HCFC2: variants seen among roughly 807,000 people sequenced by gnomAD.
The protein encoded by HCFC2 is host cell factor 2.
HCFC2 carries 18 observed loss-of-function variants against 89.2 expected under a neutral mutation model. That is an observed-to-expected ratio of 0.20 (90% CI 0.14 to 0.30). The LOEUF (loss-of-function observed/expected upper bound fraction) is 0.30, where lower values mean the gene tolerates loss of function less well. Ranked by LOEUF, HCFC2 falls within the 10% of genes least tolerant of loss-of-function variation. The pLI is 1.00. For missense variants in HCFC2, 578 were observed against 956.1 expected, an observed-to-expected ratio of 0.60 and a Z score of 5.21; for synonymous variants, 308 against 335.7, an observed-to-expected ratio of 0.92 and a Z score of 0.90.
At chr12:104,089,299 T>A (rs1238431564) in intron 9 of HCFC2, among the ~76,000 whole-genome samples, 1 of 151,916 alleles carries the variant, frequency 6.6e-6, no homozygotes, top group Non-Finnish European at 1.5e-5. Context: ...GATCACGAGG[T>A]CAGAAGATCG....
Position 104,095,209 on chromosome 12 carries a change from T to C in HCFC2, c.1463-151T>C. The C allele has an allele frequency of 1.6e-6, 1 of 612,296 alleles. No individual in the cohort carries two copies. The highest frequency in any genetic ancestry group is 2.8e-5 in the East Asian group (1 of 36,028). 37.9% of individuals were successfully genotyped at this position (612,296 alleles called of 1,614,324 possible). On this transcript the variant is annotated intron_variant, in intron 10 of 14. Coordinates refer to ENST00000229330, the MANE Select transcript of HCFC2 (RefSeq NM_013320.3). This position sits in a 1 kb window ranked among gnomAD's most constrained non-coding sequence, Gnocchi z 4.2. ...GCACTTTATTTTTCTAAACATTTTA[T>C]GCCTAATGGATAATTCATACTAATA...
chr12:104,078,414 A>G (rs1360350325), intron 3 of HCFC2, among the ~76,000 whole-genome samples: 1 of 152,230 alleles, frequency 6.6e-6, no homozygotes, highest in Middle Eastern at 3.2e-3. Context: ...CTGAAATGTT[A>G]CAATTTTTGC....
chr12:104,065,472 C>T (rs1362507217), intron 1 of HCFC2, among the ~76,000 whole-genome samples: 1 of 152,190 alleles, frequency 6.6e-6, no homozygotes, highest in African/African-American at 2.4e-5. Context: ...CAGGCTGTCA[C>T]AAGAAATCTG....
chr12:104,096,316 G>A (rs1296403190), intron 11 of HCFC2, 44 bp from the exon 12 acceptor site: 1 of 1,325,136 alleles, frequency 7.5e-7, no homozygotes, highest in Non-Finnish European at 1.1e-6. Flanking sequence ...TAATGTATCT[G>A]ATAAGTTATG....
intron 5 of HCFC2, among the ~76,000 whole-genome samples, chr12:104,081,292 A>C (rs1883675867): frequency 6.6e-6 from 1 of 152,210 alleles, no homozygotes; most frequent in South Asian, 2.1e-4. Flanking sequence ...GGGCAAGAAA[A>C]TTTAATCTGT....
rs371559185 is a variant in HCFC2 at position 104,082,805 on chromosome 12, A to G, written c.967A>G (p.Ile323Val). ...AAGAGCTGGCCACTGTGCTGTTGCA[A>G]TCGGCACTCGATTGTATTTTTGGAG... The part of the protein sequence containing the change: ...RPRAGHCAVA[I>V]GTRLYFWSGR... The change falls in exon 7 of 15, where the codon ATC (isoleucine) becomes GTC (valine). Residue 323 changes from isoleucine (I) to valine (V), a missense_variant. Coordinates refer to ENST00000229330, the MANE Select transcript of HCFC2 (RefSeq NM_013320.3). The G allele has an allele frequency of 3.2e-5, 51 of 1,613,952 alleles. No individual in the cohort carries two copies. The highest frequency in any genetic ancestry group is 5.5e-5 in the South Asian group (5 of 91,060).
chr12:104,082,392 T>G (rs1329369407), intron 5 of HCFC2, 108 bp from the exon 6 acceptor site: 1 of 684,152 alleles, frequency 1.5e-6, no homozygotes, highest in African/African-American at 1.8e-5. Flanking sequence ...AATGAATAGT[T>G]CTGAAGCTCT....
At chr12:104,098,289 A>G in intron 12 of HCFC2, 54 bp from the exon 13 acceptor site, 2 of 1,474,762 alleles carry the variant, frequency 1.4e-6, no homozygotes, top group Non-Finnish European at 1.8e-6. Context: ...AAATCTTGAA[A>G]TTTTTCGTAT....
chr12:104,079,957 T>C (rs1883631224), intron 4 of HCFC2, among the ~76,000 whole-genome samples: 1 of 152,192 alleles, frequency 6.6e-6, no homozygotes, highest in African/African-American at 2.4e-5. Flanking sequence ...CAATACTCCC[T>C]TTCACTCTGA....
chr12:104,075,423 C>T (rs1479976107), intron 3 of HCFC2, among the ~76,000 whole-genome samples: 1 of 145,712 alleles, frequency 6.9e-6, no homozygotes, highest in African/African-American at 2.5e-5. Context: ...GACTCTTTAA[C>T]TCTATTCCAT....
chr12:104,087,139 G>T, intron 8 of HCFC2, 125 bp downstream of exon 8: 1 of 821,684 alleles, frequency 1.2e-6, no homozygotes, highest in Non-Finnish European at 1.8e-6. Context: ...TGGATCACCT[G>T]AGGTCAGGAG....
chr12:104,079,797 A>G (rs1883624894), intron 4 of HCFC2, 144 bp downstream of exon 4: 1 of 641,566 alleles, frequency 1.6e-6, no homozygotes, highest in Non-Finnish European at 2.7e-6. Flanking sequence ...TGTGATATGA[A>G]TGGTTGCTGA....
At position 104,100,084 on chromosome 12, in the gene HCFC2, A is replaced by T. The variant is rs190276481; in HGVS notation, c.1878+1604A>T. On this transcript the variant is annotated intron_variant, in intron 13 of 14. Transcript: ENST00000229330. ...AACTTTTTTTTTCCTATTGAAAAAG[A>T]ATTTTTTTATTCCTCATTTTACAAT... 4.0e-3 allele frequency among the ~76,000 whole-genome samples: 613 copies of T among 152,244 alleles called. 4 individuals carry two copies. Among genetic ancestry groups the T allele is most frequent in the Middle Eastern group, 0.034 (10 of 294 alleles).
chr12:104,087,802 C>T (rs1883913012), intron 8 of HCFC2, among the ~76,000 whole-genome samples, 184 bp from the exon 9 acceptor site: 1 of 151,984 alleles, frequency 6.6e-6, no homozygotes, highest in Non-Finnish European at 1.5e-5. Flanking sequence ...TAAAAGCAAA[C>T]ACAAATTTTG....
chr12:104,064,820 C>G lies in HCFC2; in HGVS notation c.163+97C>G, dbSNP rs939451187. On this transcript the variant is annotated intron_variant, in intron 1 of 14. Transcript: ENST00000229330. The surrounding 1 kb of genome is among the most constrained non-coding windows in gnomAD (Gnocchi z 7.3). ...CGCGGCCCTGACAGCTGTCACCGCC[C>G]GGTCACTGCTTCCTTGGGCGGGCGG... 8.7e-6 allele frequency: 10 copies of G among 1,151,910 alleles called. No individual in the cohort carries two copies. Among genetic ancestry groups the G allele is most frequent in the African/African-American group, 6.6e-5 (4 of 60,922 alleles). 71.4% of individuals were successfully genotyped at this position (1,151,910 alleles called of 1,614,324 possible). A position where few individuals can be genotyped will look rare whatever the true frequency, so the allele number is the denominator to read the frequency against.
chr12:104,099,658 T>A lies in HCFC2; in HGVS notation c.1878+1178T>A, dbSNP rs1467040400. On this transcript the variant is annotated intron_variant, in intron 13 of 14. Transcript: ENST00000229330. ...CTTATACAATCACTGAGGTGGAGAG[T>A]TTTTTGTTTGTTTGTTTGTTTATTT... Among the ~76,000 whole-genome samples the A allele has an allele frequency of 2.0e-5, 3 of 150,760 alleles. No homozygotes were observed. In the East Asian group the frequency reaches 5.8e-4, roughly 29 times the overall value.
At chr12:104,080,451 A>G (rs1333960790) in intron 4 of HCFC2, 1 of 235,210 alleles carries the variant, frequency 4.3e-6, no homozygotes, top group Non-Finnish European at 8.3e-6. Flanking sequence ...TGACAAAAAG[A>G]AGACATGTGC....
intron 3 of HCFC2, among the ~76,000 whole-genome samples, chr12:104,075,337 T>C (rs1487004953): frequency 6.6e-6 from 1 of 152,076 alleles, no homozygotes; most frequent in Non-Finnish European, 1.5e-5. Flanking sequence ...GCTAGTGATT[T>C]GTTATTTTAT....
Position 104,079,497 on chromosome 12 carries a change from G to C in HCFC2, c.526G>C (p.Gly176Arg). Residue 176 changes from glycine to arginine, a missense_variant, in exon 4 of 15, where the codon GGT becomes CGT. Physicochemically the swap from Gly to Arg is moderately radical, Grantham distance 125 (BLOSUM62 -2). This residue lies in a region of HCFC2 where 206 missense variants were observed against 419.2 expected (regional missense o/e 0.49). Transcript: ENST00000229330. ...GCTACAGCATGGCTCTGGTGTTGTG[G>C]GTTGGAGCATTCCAGTGACTAAAGG... Reference protein sequence around the residue: ...LELQHGSGVVGWSIPVTKGVV... With the variant: ...LELQHGSGVVRWSIPVTKGVV... The C allele has an allele frequency of 6.2e-7, 1 of 1,614,082 alleles. No individual in the cohort carries two copies. The highest frequency in any genetic ancestry group is 8.5e-7 in the Non-Finnish European group (1 of 1,179,998).
Sources: allele counts gnomAD v4.1 joint callset (sites outside exome capture counted in the v4.1 genomes callset), GRCh38; gene constraint gnomAD v4.1.1; regional missense constraint gnomAD v4.1.1; non-coding constraint Gnocchi (gnomAD v3.1); transcripts MANE v1.5; gene names NCBI Gene and HGNC (gene_info 2026-07-23, HGNC 2026-07-21).